Variants in MEGF11 observed in about 807,000 individuals in gnomAD.
MEGF11 encodes the protein multiple epidermal growth factor-like domains protein 11.
In MEGF11, 126 loss-of-function variants were observed where a neutral mutation model predicts 146.6. The ratio of observed to expected loss-of-function variants is 0.86; its 90% confidence interval spans 0.74 to 1.00. MEGF11 has a LOEUF of 1.00. MEGF11 is among the 50% of genes least tolerant of loss of function. The pLI is 0.00. For synonymous variants in MEGF11, 532 were observed against 583.4 expected, an observed-to-expected ratio of 0.91 and a Z score of 1.27; for missense variants, 1,509 against 1,521.2, an observed-to-expected ratio of 0.99 and a Z score of 0.13.
chr15:66,053,937 G>T (rs1177351802), intron 5 of MEGF11, among the ~76,000 whole-genome samples: 1 of 151,630 alleles, frequency 6.6e-6, no homozygotes, highest in Non-Finnish European at 1.5e-5. Flanking sequence ...CCAGGCTGTT[G>T]GTCTTGAACT....
At chr15:66,080,638 G>C (rs1439693578) in intron 5 of MEGF11, among the ~76,000 whole-genome samples, 1 of 152,242 alleles carries the variant, frequency 6.6e-6, no homozygotes, top group Admixed American at 6.5e-5. Flanking sequence ...GTCAAGGATG[G>C]AGAATACTGA....
chr15:65,914,390 G>A lies in MEGF11; in HGVS notation c.2474-417C>T, dbSNP rs541302343. Among the ~76,000 whole-genome samples the A allele has an allele frequency of 2.0e-5, 3 of 152,260 alleles. No individual in the cohort carries two copies. In the South Asian group the frequency reaches 6.2e-4, roughly 32 times the overall value. ...GCGGAGTCAGGAAAAATTGAACACA[G>A]CTCCTCTCCCTGCTTCCTAATTGTG... On this transcript the variant is annotated intron_variant, in intron 19 of 25. Transcript: ENST00000395614.
At chr15:66,142,310 C>T (rs1479603867) in intron 1 of MEGF11, among the ~76,000 whole-genome samples, 1 of 152,200 alleles carries the variant, frequency 6.6e-6, no homozygotes, top group Non-Finnish European at 1.5e-5. Flanking sequence ...ACCACTTCTG[C>T]ACGGCTCTCA....
At chr15:66,016,402 G>A (rs1172620697) in intron 5 of MEGF11, among the ~76,000 whole-genome samples, 4 of 151,156 alleles carry the variant, frequency 2.6e-5, no homozygotes, top group East Asian at 1.9e-4. Flanking sequence ...TCACAACCCC[G>A]AGTTTTCTAA....
At chr15:66,039,038 C>T (rs1471202821) in intron 5 of MEGF11, among the ~76,000 whole-genome samples, 1 of 152,186 alleles carries the variant, frequency 6.6e-6, no homozygotes, top group Non-Finnish European at 1.5e-5. Context: ...TGTGAACTTG[C>T]TGGAAATGCA....
chr15:65,918,693 C>G (rs1041434536), intron 15 of MEGF11, among the ~76,000 whole-genome samples: 3 of 152,252 alleles, frequency 2.0e-5, no homozygotes, highest in African/African-American at 7.2e-5. Context: ...ACAAGGCCCT[C>G]TCCACCACTG....
At chr15:66,246,418 G>T (rs1172946364) in intron 1 of MEGF11, among the ~76,000 whole-genome samples, 1 of 152,086 alleles carries the variant, frequency 6.6e-6, no homozygotes, top group Non-Finnish European at 1.5e-5. Flanking sequence ...ACCAGAAGGG[G>T]AGATGACTTG....
chr15:65,955,762 ATAT>A (rs1357402219), intron 10 of MEGF11, among the ~76,000 whole-genome samples: 4 of 6,854 alleles, frequency 5.8e-4, no homozygotes, highest in African/African-American at 4.0e-4. Context: ...AAAAAAAAAA[ATAT>A]ATATATATAT....
Position 65,982,953 on chromosome 15 carries a change from C to T in MEGF11, c.395-465G>A, listed in dbSNP as rs190721856. Among the ~76,000 whole-genome samples the T allele has an allele frequency of 2.0e-5, 3 of 152,232 alleles. No homozygotes were observed. Among genetic ancestry groups the T allele is most frequent in the East Asian group, 1.9e-4 (1 of 5,176 alleles). ...TCTTCTTGGGACCTGCGGGACCCAG[C>T]CCATTCCAGCTCCCATTTCTCTATC... On this transcript the variant is annotated intron_variant, in intron 5 of 25. Transcript: ENST00000395614. The surrounding 1 kb of genome is among the most constrained non-coding windows in gnomAD (Gnocchi z 5.6).
chr15:66,183,526 C>A (rs1289646235), intron 1 of MEGF11, among the ~76,000 whole-genome samples: 3 of 144,122 alleles, frequency 2.1e-5, no homozygotes, highest in Admixed American at 7.1e-5. Flanking sequence ...GCCACCCACA[C>A]CCCCCTGCCA....
chr15:66,228,985 T>A (rs888600040), intron 1 of MEGF11, among the ~76,000 whole-genome samples: 4 of 152,010 alleles, frequency 2.6e-5, no homozygotes, highest in Admixed American at 6.6e-5. Context: ...TGGTAACTGC[T>A]CCCCACTGGT....
At chr15:66,139,898 G>A (rs1175817639) in intron 1 of MEGF11, among the ~76,000 whole-genome samples, 5 of 152,152 alleles carry the variant, frequency 3.3e-5, no homozygotes, top group African/African-American at 1.2e-4. Flanking sequence ...ACTAAGTCAG[G>A]CCCAGCAGGG....
intron 5 of MEGF11, among the ~76,000 whole-genome samples, chr15:66,043,961 A>G (rs1463649276): frequency 1.3e-5 from 2 of 152,218 alleles, no homozygotes; most frequent in African/African-American, 4.8e-5. Flanking sequence ...TTTTATATAT[A>G]TTTGAAATAT....
chr15:66,115,558 ACC>A (rs2087684104), intron 4 of MEGF11, among the ~76,000 whole-genome samples: 1 of 152,020 alleles, frequency 6.6e-6, no homozygotes, highest in Admixed American at 6.6e-5. Context: ...AAGCTGCAGC[ACC>A]TGAGACACGC....
chr15:65,899,709 G>T (rs1001194904), intron 24 of MEGF11, among the ~76,000 whole-genome samples: 3 of 152,208 alleles, frequency 2.0e-5, no homozygotes, highest in South Asian at 2.1e-4. Context: ...CCTTTGGAAA[G>T]TTCCTGTTTT....
chr15:65,949,583 G>A (rs1430479932), intron 10 of MEGF11, among the ~76,000 whole-genome samples: 1 of 152,224 alleles, frequency 6.6e-6, no homozygotes, highest in Non-Finnish European at 1.5e-5. Context: ...GGACACTGGA[G>A]CCCCTCTCCT....
intron 1 of MEGF11, among the ~76,000 whole-genome samples, chr15:66,154,973 C>T (rs901844647): frequency 6.6e-6 from 1 of 152,254 alleles, no homozygotes; most frequent in Non-Finnish European, 1.5e-5. Flanking sequence ...TGAGAGCCAA[C>T]AAGATTCCCT....
chr15:65,984,550 A>AAAT, intron 5 of MEGF11, among the ~76,000 whole-genome samples: 1 of 148,830 alleles, frequency 6.7e-6, no homozygotes, highest in African/African-American at 2.5e-5. Context: ...AAAAAAAAAA[A>AAAT]GGCTCACAGG....
intron 10 of MEGF11, among the ~76,000 whole-genome samples, chr15:65,933,063 G>A (rs1472977316): frequency 6.6e-6 from 1 of 152,122 alleles, no homozygotes; most frequent in Non-Finnish European, 1.5e-5. Context: ...AACCGAGGGT[G>A]TGGGTCTTTG....
Sources: gnomAD v4.1 joint callset for allele counts (sites outside exome capture counted in the v4.1 genomes callset) on GRCh38, gnomAD v4.1.1 for gene constraint, Gnocchi (gnomAD v3.1) non-coding constraint, MANE v1.5 for transcripts, NCBI Gene and HGNC (gene_info 2026-07-23, HGNC 2026-07-21) for gene names.